The following AVPR1B variants were observed in gnomAD, a reference collection of about 807,000 sequenced individuals.
AVPR1B encodes arginine vasopressin receptor 1B, also known as vasopressin V1b receptor.
In AVPR1B, 25 loss-of-function variants were observed where a neutral mutation model predicts 27.5. The ratio of observed to expected loss-of-function variants is 0.91; its 90% CI spans 0.66 to 1.27. The LOEUF is 1.27. AVPR1B is among the 50% of genes most tolerant of loss of function. The pLI is 0.00. For synonymous variants in AVPR1B, 248 were observed against 240.2 expected, an observed-to-expected ratio of 1.03 and a Z score of -0.30; for missense variants, 595 against 556.9, an observed-to-expected ratio of 1.07 and a Z score of -0.69.
intron 1 of AVPR1B, 97 bp downstream of exon 1, chr1:206,115,854 C>G: frequency 7.9e-7 from 1 of 1,258,112 alleles, no homozygotes; most frequent in South Asian, 1.7e-5. Flanking sequence ...TAGTTTGTCA[C>G]CTGCCTGGCC....
At chr1:206,113,978 C>T (rs1237173884) in intron 1 of AVPR1B, among the ~76,000 whole-genome samples, 1 of 152,192 alleles carries the variant, frequency 6.6e-6, no homozygotes, top group African/African-American at 2.4e-5. Context: ...TAGAATTGCT[C>T]ATTGCTTAAA....
intron 1 of AVPR1B, 131 bp from the exon 2 acceptor site, chr1:206,110,654 C>T: frequency 1.3e-6 from 1 of 762,810 alleles, no homozygotes; most frequent in Non-Finnish European, 2.1e-6. Flanking sequence ...CACTCAGTGT[C>T]CTATAATTAG....
rs1553289118 is a variant in AVPR1B at position 206,107,112 on chromosome 1, A to G, written c.*3077T>C. The stretch of plus-strand genomic sequence containing the variant: ...CTGGCCTGTGCCAAACAACATAACG[A>G]TTCTGAGAAATCCCCGTAGTCAACC... On this transcript the variant is annotated 3_prime_UTR_variant, in exon 2 of 2. Transcript: ENST00000367126. Among the ~76,000 whole-genome samples, 1 of 152,136 alleles carries G rather than the reference A, an allele frequency of 6.6e-6. No homozygotes were observed. Among genetic ancestry groups the G allele is most frequent in the African/African-American group, 2.4e-5 (1 of 41,420 alleles).
chr1:206,111,511 C>G (rs1663375421), intron 1 of AVPR1B, among the ~76,000 whole-genome samples: 1 of 152,198 alleles, frequency 6.6e-6, no homozygotes, highest in African/African-American at 2.4e-5. Context: ...AATTTCAGAA[C>G]TGGAAGGAAC....
chr1:206,113,763 A>G (rs1040550872), intron 1 of AVPR1B, among the ~76,000 whole-genome samples: 2 of 152,186 alleles, frequency 1.3e-5, no homozygotes, highest in Non-Finnish European at 2.9e-5. Flanking sequence ...ACCTCAATTC[A>G]AGCCCAAGCT....
At chr1:206,112,629 G>A (rs35810727) in intron 1 of AVPR1B, among the ~76,000 whole-genome samples, 2 of 152,074 alleles carry the variant, frequency 1.3e-5, no homozygotes, top group Non-Finnish European at 1.5e-5. Context: ...CCAGAGGGGT[G>A]AACCAGTGTG....
chr1:206,113,371 G>C (rs1160665216), intron 1 of AVPR1B, among the ~76,000 whole-genome samples: 1 of 152,178 alleles, frequency 6.6e-6, no homozygotes, highest in Admixed American at 6.5e-5. Flanking sequence ...AAACAGGCCG[G>C]CATGCAGAGG....
chr1:206,116,644 C>T lies in AVPR1B; in HGVS notation c.247G>A (p.Val83Met). Residue 83 changes from valine to methionine, a missense_variant, in exon 1 of 2, where the codon GTG becomes ATG. Transcript: ENST00000367126. Reference sequence around the variant, plus strand: ...TGTGGCAGCACCTGGAAGAGCGCCACGGCCAGGTCTGTCAGGGCTAAGTGC... The same window carrying T: ...TGTGGCAGCACCTGGAAGAGCGCCATGGCCAGGTCTGTCAGGGCTAAGTGC... ...VLHLALTDLA[V>M]ALFQVLPQLL... is the part of the protein sequence containing the mutation. 8 of 1,613,374 alleles carry T rather than the reference C, an allele frequency of 5.0e-6. No individual in the cohort carries two copies. Among genetic ancestry groups the T allele is most frequent in the Admixed American group, 1.7e-5 (1 of 59,994 alleles).
chr1:206,110,403 G>T lies in AVPR1B; in HGVS notation c.1061C>A (p.Ala354Asp), dbSNP rs887409141. Residue 354 changes from alanine to aspartate, a missense_variant, in exon 2 of 2, where the codon GCC becomes GAC. Transcript: ENST00000367126. Reference protein sequence around the residue: ...HLLPRPLRHLACCGGPQPRMR... With the variant: ...HLLPRPLRHLDCCGGPQPRMR... ...CCTGGGCTGGGGACCCCCACAGCAG[G>T]CAAGGTGACGCAGGGGCCGCGGTAA... is the stretch of plus-strand genomic sequence containing the variant. The T allele has an allele frequency of 3.7e-6, 6 of 1,612,978 alleles. No individual in the cohort carries two copies. The African/African-American group carries it at 5.3e-5, about 14-fold the overall frequency.
In AVPR1B at chr1:206,116,642, C is replaced by T; in HGVS notation, c.249G>A (p.Val83=). The T allele has an allele frequency of 6.2e-7, 1 of 1,613,552 alleles. No homozygotes were observed. The highest frequency in any genetic ancestry group is 1.1e-5 in the South Asian group (1 of 90,936). ...GCTGTGGCAGCACCTGGAAGAGCGC[C>T]ACGGCCAGGTCTGTCAGGGCTAAGT... The part of the protein sequence containing the change: ...VLHLALTDLA[V]ALFQVLPQLL... The change falls in exon 1 of 2, where the codon GTG becomes GTA. Residue 83 remains valine (V), a synonymous_variant. Transcript: ENST00000367126.
In AVPR1B at chr1:206,115,998, A is replaced by T. The variant is rs782668147; in HGVS notation, c.893T>A (p.Phe298Tyr). 1 of 1,613,850 alleles carries T rather than the reference A, an allele frequency of 6.2e-7. No individual in the cohort carries two copies. The highest frequency in any genetic ancestry group is 1.1e-5 in the South Asian group (1 of 91,036). ...CCACACGGACCACATCTGGACACTG[A>T]AGAAGGGAGCCCAGCAAGCGATGTA... ...LAYIACWAPF[F>Y]SVQMWSVWDK... Residue 298 changes from phenylalanine (F) to tyrosine (Y), a missense_variant, in exon 1 of 2, where the codon TTC (phenylalanine) becomes TAC (tyrosine). Transcript: ENST00000367126.
chr1:206,111,242 T>C (rs150950361), intron 1 of AVPR1B, among the ~76,000 whole-genome samples: 1 of 152,338 alleles, frequency 6.6e-6, no homozygotes, highest in African/African-American at 2.4e-5. Flanking sequence ...TGTTCTTAGA[T>C]TGTGCCTAGG....
At position 206,108,958 on chromosome 1, in the gene AVPR1B, CAA is replaced by C. The variant is rs1663324560; in HGVS notation, c.*1229_*1230del. On this transcript the variant is annotated 3_prime_UTR_variant, in exon 2 of 2. Coordinates refer to ENST00000367126, the MANE Select transcript of AVPR1B (RefSeq NM_000707.5). Reference sequence around the variant, plus strand: ...GGACCCACCGTCACCAGAATTGAGTCAAAGAGTATATCAATGCCATTGTCATA... The same window carrying C: ...GGACCCACCGTCACCAGAATTGAGTCAGAGTATATCAATGCCATTGTCATA... Among the ~76,000 whole-genome samples the C allele has an allele frequency of 6.6e-6, 1 of 152,250 alleles. No individual in the cohort carries two copies.
chr1:206,112,320 A>G (rs1663394819), intron 1 of AVPR1B, among the ~76,000 whole-genome samples: 3 of 152,132 alleles, frequency 2.0e-5, no homozygotes, highest in Admixed American at 2.0e-4. Context: ...ATCACAGGTC[A>G]GTTGTTTCAC....
chr1:206,116,431 T>A lies in AVPR1B; in HGVS notation c.460A>T (p.Ile154Phe). The change falls in exon 1 of 2, where the codon ATC (isoleucine) becomes TTC (phenylalanine). Residue 154 changes from isoleucine to phenylalanine, a missense_variant. By Grantham distance (21) the Ile-to-Phe change is conservative. Coordinates refer to ENST00000367126, the MANE Select transcript of AVPR1B (RefSeq NM_000707.5). ...GCGGCCAGCAGCCAGGGAGCAGCGA[T>A]GAGCAGGTAGGTGGACTGGCCTGGC... ...QQPGQSTYLL[I>F]AAPWLLAAIF... is the part of the protein sequence containing the mutation. 1 of 1,613,896 alleles carries A rather than the reference T, an allele frequency of 6.2e-7. No homozygotes were observed. The highest frequency in any genetic ancestry group is 2.2e-5 in the East Asian group (1 of 44,872).
chr1:206,111,874 A>C (rs949671765), intron 1 of AVPR1B, among the ~76,000 whole-genome samples: 57 of 152,324 alleles, frequency 3.7e-4, no homozygotes, highest in African/African-American at 1.2e-3. Flanking sequence ...AGTGGGAAGC[A>C]CCTGGAAGTA....
Position 206,116,572 on chromosome 1 carries a change from A to G in AVPR1B, c.319T>C (p.Cys107Arg), listed in dbSNP as rs782271917. ...ACCTGCAGGTACTTGACGGCCCTGCACAGGAGGTCGGGGCCCTGGAAGCGG... is the reference window on the plus strand; with the variant it reads ...ACCTGCAGGTACTTGACGGCCCTGCGCAGGAGGTCGGGGCCCTGGAAGCGG... ...TYRFQGPDLL[C>R]RAVKYLQVLS... The change falls in exon 1 of 2, where the codon TGC becomes CGC. Residue 107 changes from cysteine to arginine, a missense_variant. By Grantham distance (180) the Cys-to-Arg change is radical. Transcript: ENST00000367126. The G allele has an allele frequency of 1.9e-6, 3 of 1,614,156 alleles. No homozygotes were observed. Among genetic ancestry groups the G allele is most frequent in the South Asian group, 1.1e-5 (1 of 91,084 alleles).
At chr1:206,111,911 C>T (rs191390464) in intron 1 of AVPR1B, among the ~76,000 whole-genome samples, 5 of 152,236 alleles carry the variant, frequency 3.3e-5, no homozygotes, top group African/African-American at 4.8e-5. Context: ...GTTTGGATGT[C>T]GGCTGGGCGC....
chr1:206,110,185 T>C lies in AVPR1B; in HGVS notation c.*4A>G. On this transcript the variant is annotated 3_prime_UTR_variant, in exon 2 of 2. Transcript: ENST00000367126. ...GGGCAGTACCAGACCCCAGCGAGTC[T>C]TTCCTAAAAGATGATGGTCTCAGCG... The C allele has an allele frequency of 6.2e-7, 1 of 1,600,764 alleles. No individual in the cohort carries two copies. The highest frequency in any genetic ancestry group is 8.5e-7 in the Non-Finnish European group (1 of 1,170,552).
Sources: allele counts gnomAD v4.1 joint callset (sites outside exome capture counted in the v4.1 genomes callset), GRCh38; gene constraint gnomAD v4.1.1; transcripts MANE v1.5; gene names NCBI Gene and HGNC (gene_info 2026-07-23, HGNC 2026-07-21).